KIF16B: variants seen among roughly 807,000 people sequenced by gnomAD.
The protein encoded by KIF16B is kinesin-like protein KIF16B.
Under a neutral mutation model 156.3 loss-of-function variants are expected in KIF16B, and 98 were observed. The ratio of observed to expected loss-of-function variants is 0.63; its 90% confidence interval spans 0.53 to 0.74. The LOEUF (loss-of-function observed/expected upper bound fraction) is 0.74. Ranked by LOEUF, KIF16B falls within the 30% of genes least tolerant of loss-of-function variation. The probability of loss-of-function intolerance (pLI) is 0.00; values close to 1 mark genes in which losing one functional copy is unlikely to be tolerated. For synonymous variants in KIF16B, 564 were observed against 583.7 expected (o/e 0.97, Z 0.49); for missense variants, 1,421 against 1,606.5 (o/e 0.88, Z 1.97).
At chr20:16,445,265 T>G (rs905104194) in intron 12 of KIF16B, among the ~76,000 whole-genome samples, 1 of 152,078 alleles carries the variant, frequency 6.6e-6, no homozygotes, top group Non-Finnish European at 1.5e-5. Flanking sequence ...TTTATTGCCA[T>G]TTTTCCCCAA....
intron 12 of KIF16B, among the ~76,000 whole-genome samples, chr20:16,430,829 A>T (rs2066477305): frequency 6.7e-6 from 1 of 149,758 alleles, no homozygotes; most frequent in African/African-American, 2.5e-5. Flanking sequence ...CGCATATATG[A>T]GTATACTGTG....
intron 1 of KIF16B, among the ~76,000 whole-genome samples, chr20:16,533,423 A>G (rs1291463810): frequency 6.6e-6 from 1 of 152,232 alleles, no homozygotes; most frequent in Non-Finnish European, 1.5e-5. Flanking sequence ...GATGAACGTT[A>G]AAATTTAAAA....
At chr20:16,471,529 C>T (rs1422167882) in intron 12 of KIF16B, among the ~76,000 whole-genome samples, 1 of 152,168 alleles carries the variant, frequency 6.6e-6, no homozygotes, top group Non-Finnish European at 1.5e-5. Flanking sequence ...CTTGAATCTT[C>T]CTTGCAGACC....
intron 25 of KIF16B, among the ~76,000 whole-genome samples, chr20:16,307,509 G>A (rs1283004941): frequency 3.3e-5 from 5 of 152,108 alleles, no homozygotes; most frequent in Admixed American, 1.3e-4. Flanking sequence ...CATAAACATA[G>A]CTTTTGATAC....
At chr20:16,571,452 C>A (rs1468274620) in intron 1 of KIF16B, among the ~76,000 whole-genome samples, 1 of 152,172 alleles carries the variant, frequency 6.6e-6, no homozygotes, top group Non-Finnish European at 1.5e-5. Context: ...TACCTGGGCT[C>A]CAGGCCTACA....
chr20:16,465,302 A>G lies in KIF16B; in HGVS notation c.1302+28989T>C, dbSNP rs188030671. 1.4e-4 allele frequency among the ~76,000 whole-genome samples: 22 copies of G among 152,334 alleles called. No individual in the cohort carries two copies. The East Asian group carries it at 4.2e-3, about 29-fold the overall frequency. On this transcript the variant is annotated intron_variant, in intron 12 of 25. Transcript: ENST00000354981. ...ACTGGTATTTAATCATAATAAATGG[A>G]AAGTCAAGAGCTTTTTAATAAAAAA...
At chr20:16,343,847 T>A (rs2064183835) in intron 23 of KIF16B, among the ~76,000 whole-genome samples, 1 of 152,228 alleles carries the variant, frequency 6.6e-6, no homozygotes, top group East Asian at 1.9e-4. Flanking sequence ...ACTTCTATTT[T>A]TTTTTTAATC....
intron 12 of KIF16B, among the ~76,000 whole-genome samples, chr20:16,443,786 G>C (rs1043943867): frequency 5.9e-5 from 9 of 152,122 alleles, no homozygotes; most frequent in African/African-American, 2.2e-4. Context: ...GGCCCCAATA[G>C]TTTATTAAAA....
At chr20:16,477,185 T>TG (rs369522587) in intron 12 of KIF16B, among the ~76,000 whole-genome samples, 1 of 118,692 alleles carries the variant, frequency 8.4e-6, no homozygotes, top group Non-Finnish European at 1.7e-5. Flanking sequence ...AATTTCCTTG[T>TG]GGGTTTTTTT....
chr20:16,560,344 TCA>T (rs2071011386), intron 1 of KIF16B, among the ~76,000 whole-genome samples: 1 of 152,222 alleles, frequency 6.6e-6, no homozygotes, highest in Non-Finnish European at 1.5e-5. Context: ...CTGAGGAAGT[TCA>T]CACAGTGACT....
intron 1 of KIF16B, among the ~76,000 whole-genome samples, chr20:16,562,606 C>T (rs373284971): frequency 1.3e-4 from 20 of 152,276 alleles, no homozygotes; most frequent in African/African-American, 4.6e-4. Flanking sequence ...CAAATACTTT[C>T]TGAGTGCTCA....
chr20:16,512,484 G>A (rs1260209926), intron 5 of KIF16B, among the ~76,000 whole-genome samples: 2 of 152,120 alleles, frequency 1.3e-5, no homozygotes, highest in Non-Finnish European at 2.9e-5. Flanking sequence ...CCAACACAAA[G>A]AATAATATAA....
intron 24 of KIF16B, among the ~76,000 whole-genome samples, chr20:16,313,929 C>T (rs1601549912): frequency 6.6e-6 from 1 of 152,254 alleles, no homozygotes; most frequent in Non-Finnish European, 1.5e-5. Flanking sequence ...AACATATGTA[C>T]GTATTTCTGA....
At position 16,379,687 on chromosome 20, in the gene KIF16B, T is replaced by C. The variant is rs776800278; in HGVS notation, c.2315A>G (p.Lys772Arg). 2.5e-6 allele frequency: 4 copies of C among 1,614,036 alleles called. No homozygotes were observed. In the East Asian group the frequency reaches 6.7e-5, roughly 27 times the overall value. The change falls in exon 19 of 26, where the codon AAG (lysine) becomes AGG (arginine). Residue 772 changes from lysine to arginine, a missense_variant. Lys to Arg is a conservative substitution (Grantham distance 26). Coordinates refer to ENST00000354981, the MANE Select transcript of KIF16B (RefSeq NM_024704.5). ...VAHLEEQLRE[K>R]QEMIQLLRRG... ...CCGCAGGAGCTGGATCATCTCCTGC[T>C]TCTCTCGGAGCTGCTCTTCCAGATG...
chr20:16,553,574 A>G (rs2070741061), intron 1 of KIF16B, among the ~76,000 whole-genome samples: 1 of 152,212 alleles, frequency 6.6e-6, no homozygotes, highest in Admixed American at 6.5e-5. Context: ...AACTTCCCCC[A>G]AAACACCTTG....
At chr20:16,414,302 G>A (rs2066032489) in intron 15 of KIF16B, among the ~76,000 whole-genome samples, 1 of 152,038 alleles carries the variant, frequency 6.6e-6, no homozygotes, top group Non-Finnish European at 1.5e-5. Flanking sequence ...TGGTGTTAAT[G>A]GCTGGCTTGC....
intron 12 of KIF16B, among the ~76,000 whole-genome samples, chr20:16,469,334 T>C (rs113323961): frequency 2.5e-5 from 3 of 120,132 alleles, no homozygotes; most frequent in African/African-American, 6.2e-5. Flanking sequence ...AACAGAAAGA[T>C]AAATGGAAAA....
chr20:16,565,701 G>A (rs910544973), intron 1 of KIF16B, among the ~76,000 whole-genome samples: 12 of 152,326 alleles, frequency 7.9e-5, no homozygotes, highest in Admixed American at 7.2e-4. Flanking sequence ...CGCATCCGCA[G>A]AGCTGATAAC....
chr20:16,313,393 G>C (rs1305077457), intron 24 of KIF16B, among the ~76,000 whole-genome samples: 1 of 152,138 alleles, frequency 6.6e-6, no homozygotes, highest in Non-Finnish European at 1.5e-5. Flanking sequence ...AAGAATTAAA[G>C]ACTAGCATCT....
Sources: gnomAD v4.1 joint callset for allele counts (sites outside exome capture counted in the v4.1 genomes callset) on GRCh38, gnomAD v4.1.1 for gene constraint, MANE v1.5 for transcripts, NCBI Gene and HGNC (gene_info 2026-07-23, HGNC 2026-07-21) for gene names.